The following MLXIP variants were observed in gnomAD, a reference collection of about 807,000 sequenced individuals.
MLXIP encodes MLX interacting protein.
A neutral mutation model predicts 87.2 loss-of-function variants in MLXIP; 30 were observed. That is an observed-to-expected ratio of 0.34 (90% confidence interval 0.26 to 0.47). The LOEUF (loss-of-function observed/expected upper bound fraction) is 0.47, where lower values mean the gene tolerates loss of function less well. Among genes scored for constraint, MLXIP ranks in the 20% least tolerant of loss-of-function variants. MLXIP has a pLI of 1.00. For missense variants in MLXIP, 1,002 were observed against 1,240.1 expected (o/e 0.81, Z 2.88); for synonymous variants, 530 against 514.0 (o/e 1.03, Z -0.42).
At chr12:122,117,862 CAT>C (rs1391906209) in intron 1 of MLXIP, among the ~76,000 whole-genome samples, 2 of 152,140 alleles carry the variant, frequency 1.3e-5, no homozygotes, top group Non-Finnish European at 2.9e-5. Flanking sequence ...ACAATAATAA[CAT>C]AGAGCAATTA....
At chr12:122,104,401 G>A (rs921594675) in intron 1 of MLXIP, among the ~76,000 whole-genome samples, 2 of 152,098 alleles carry the variant, frequency 1.3e-5, no homozygotes, top group Non-Finnish European at 2.9e-5. Context: ...GTATCCTTGT[G>A]TCTCGCTTCC....
intron 1 of MLXIP, among the ~76,000 whole-genome samples, chr12:122,125,092 G>C (rs1342428978): frequency 6.6e-6 from 1 of 152,222 alleles, no homozygotes; most frequent in Non-Finnish European, 1.5e-5. Flanking sequence ...CTTGAACCCG[G>C]GAGGCAGAGG....
In MLXIP at chr12:122,135,839, C is replaced by A; in HGVS notation, c.2032+173C>A. ...GTCTGGGAACACGCTCTGTGGGTGG[C>A]AGGATGAAATGTGGTGGCACTGGCA... On this transcript the variant is annotated intron_variant, in intron 11 of 16. Transcript: ENST00000319080. The surrounding 1 kb of genome is among the most constrained non-coding windows in gnomAD (Gnocchi z 5.3). 1.2e-6 allele frequency: 1 copy of A among 820,326 alleles called. No individual in the cohort carries two copies. Among genetic ancestry groups the A allele is most frequent in the Non-Finnish European group, 1.8e-6 (1 of 562,878 alleles). The allele number at this position is 820,326 out of a possible 1,614,324, so 50.8% of individuals were successfully genotyped here. A position where few individuals can be genotyped will look rare whatever the true frequency, so the allele number is the denominator to read the frequency against.
chr12:122,114,761 G>C (rs923968032), intron 1 of MLXIP, among the ~76,000 whole-genome samples: 2 of 147,150 alleles, frequency 1.4e-5, no homozygotes, highest in South Asian at 2.2e-4. Context: ...TTTTTGGTGG[G>C]GGGGGACAGG....
Position 122,135,714 on chromosome 12 carries a change from C to T in MLXIP, c.2032+48C>T. 6.9e-7 allele frequency: 1 copy of T among 1,452,064 alleles called. No individual in the cohort carries two copies. Among genetic ancestry groups the T allele is most frequent in the Non-Finnish European group, 9.0e-7 (1 of 1,105,038 alleles). 89.9% of individuals were successfully genotyped at this position (1,452,064 alleles called of 1,614,324 possible). ...GGTTGGGGCATCGCAAGGGAAGTAA[C>T]TGGGCCTGCCGTAGACCATGGGGGG... On this transcript the variant is annotated intron_variant, in intron 11 of 16. Transcript: ENST00000319080. This position sits in a 1 kb window ranked among gnomAD's most constrained non-coding sequence, Gnocchi z 5.3.
chr12:122,127,907 T>TTC lies in MLXIP; in HGVS notation c.545_546insTC (p.Cys183ArgfsTer5). Reference sequence around the variant, plus strand: ...GATCTGGAGAAGCGCAAGAATCCTGTGTGCCACTTTGTGACACCCCTGGAC... The same window carrying TTC: ...GATCTGGAGAAGCGCAAGAATCCTGTTCGTGCCACTTTGTGACACCCCTGGAC... On this transcript the variant is annotated frameshift_variant, in exon 3 of 17. Transcript: ENST00000319080. LOFTEE classifies it high-confidence loss of function. The TTC allele has an allele frequency of 6.2e-7, 1 of 1,613,848 alleles. No homozygotes were observed. Among genetic ancestry groups the TTC allele is most frequent in the Non-Finnish European group, 8.5e-7 (1 of 1,179,786 alleles).
Position 122,134,841 on chromosome 12 carries a change from AT to A in MLXIP, c.1733-379del, listed in dbSNP as rs567343108. ...AGGCATGTGCCACCACACCTGGCTA[AT>A]TTTGTATCTTCAGTAGAGATGGGGT... On this transcript the variant is annotated intron_variant, in intron 9 of 16. Transcript: ENST00000319080. 4.4e-4 allele frequency: 113 copies of A among 258,012 alleles called. No individual in the cohort carries two copies. In the East Asian group the frequency reaches 0.011, roughly 25 times the overall value. The allele number at this position is 258,012 out of a possible 1,614,324, so 16.0% of individuals were successfully genotyped here.
At chr12:122,096,030 T>C (rs1952346483) in intron 1 of MLXIP, among the ~76,000 whole-genome samples, 1 of 151,850 alleles carries the variant, frequency 6.6e-6, no homozygotes, top group Non-Finnish European at 1.5e-5. Flanking sequence ...ACGTATTTTT[T>C]CCATTTAATA....
At chr12:122,140,805 G>A in intron 15 of MLXIP, 149 bp from the exon 16 acceptor site, 1 of 1,235,880 alleles carries the variant, frequency 8.1e-7, no homozygotes, top group Non-Finnish European at 1.2e-6. Flanking sequence ...CTTGCCTAGA[G>A]ATCTCTCCCT....
intron 1 of MLXIP, among the ~76,000 whole-genome samples, chr12:122,084,552 TTTTG>T (rs1363723317): frequency 6.6e-6 from 1 of 152,174 alleles, no homozygotes; most frequent in African/African-American, 2.4e-5. Flanking sequence ...TGACCTTTTT[TTTTG>T]TTTGTTTGAG....
At chr12:122,131,038 A>C in intron 7 of MLXIP, 105 bp downstream of exon 7, 1 of 766,580 alleles carries the variant, frequency 1.3e-6, no homozygotes, top group South Asian at 1.6e-5. Context: ...TAGAATGGGC[A>C]AGGGGGCGAG....
intron 1 of MLXIP, among the ~76,000 whole-genome samples, chr12:122,087,744 G>C (rs1234144484): frequency 6.6e-6 from 1 of 152,134 alleles, no homozygotes; most frequent in African/African-American, 2.4e-5. Context: ...GTCTACAGGA[G>C]ACGGGTCTAG....
At chr12:122,093,510 G>GGTGTGT (rs1428193563) in intron 1 of MLXIP, among the ~76,000 whole-genome samples, 1 of 141,786 alleles carries the variant, frequency 7.1e-6, no homozygotes, top group Non-Finnish European at 1.5e-5. Context: ...TGTCTGTGTT[G>GGTGTGT]GTGTGTGTGG....
chr12:122,106,877 C>T (rs990837598), intron 1 of MLXIP, among the ~76,000 whole-genome samples: 12 of 152,172 alleles, frequency 7.9e-5, no homozygotes, highest in African/African-American at 2.9e-4. Context: ...GCTGTGATTA[C>T]AGGTGTGAGC....
chr12:122,140,130 C>G (rs937972538), intron 15 of MLXIP, among the ~76,000 whole-genome samples: 3 of 152,172 alleles, frequency 2.0e-5, no homozygotes, highest in African/African-American at 7.2e-5. Flanking sequence ...GGCATACTCC[C>G]CATCATCAGG....
intron 5 of MLXIP, 28 bp downstream of exon 5, chr12:122,129,657 C>G (rs201578744): frequency 3.2e-6 from 5 of 1,565,714 alleles, no homozygotes; most frequent in Non-Finnish European, 4.3e-6. Context: ...CTCTGAGGAC[C>G]CCCACTTTGA....
intron 1 of MLXIP, among the ~76,000 whole-genome samples, chr12:122,080,466 A>T (rs912761019): frequency 1.3e-5 from 2 of 152,192 alleles, no homozygotes; most frequent in African/African-American, 4.8e-5. Flanking sequence ...TTTTACCTGA[A>T]GTTAAAATAT....
intron 1 of MLXIP, among the ~76,000 whole-genome samples, chr12:122,110,222 G>A (rs538302525): frequency 6.6e-6 from 1 of 152,162 alleles, no homozygotes; most frequent in Non-Finnish European, 1.5e-5. Context: ...GGAGGCCGAG[G>A]CAGGAGGATT....
chr12:122,116,706 A>G (rs1486907012), intron 1 of MLXIP, among the ~76,000 whole-genome samples: 1 of 152,056 alleles, frequency 6.6e-6, no homozygotes, highest in African/African-American at 2.4e-5. Flanking sequence ...AGCTCCTAAA[A>G]CTCAGGAGCA....
Sources: allele counts gnomAD v4.1 joint callset (sites outside exome capture counted in the v4.1 genomes callset), GRCh38; gene constraint gnomAD v4.1.1; non-coding constraint Gnocchi (gnomAD v3.1); transcripts MANE v1.5; gene names NCBI Gene and HGNC (gene_info 2026-07-23, HGNC 2026-07-21).